The following DOCK1 variants were observed in gnomAD, a reference collection of about 807,000 sequenced individuals.
The protein encoded by DOCK1 is dedicator of cytokinesis 1.
A neutral mutation model predicts 262.7 loss-of-function variants in DOCK1; 138 were observed. The observed-to-expected ratio is 0.53, with a 90% CI of 0.46 to 0.61. The LOEUF is 0.61. Among genes scored for constraint, DOCK1 ranks in the 20% least tolerant of loss-of-function variants. The pLI, the probability that DOCK1 is intolerant of heterozygous loss-of-function variation, is 0.00. For synonymous variants in DOCK1, 866 were observed against 867.4 expected (o/e 1.00, Z 0.03); for missense variants, 1,908 against 2,370.7 (o/e 0.80, Z 4.05).
At chr10:127,149,518 G>A (rs921136664) in intron 27 of DOCK1, among the ~76,000 whole-genome samples, 19 of 152,188 alleles carry the variant, frequency 1.2e-4, no homozygotes, top group African/African-American at 4.1e-4. Context: ...TAAAGCCCCA[G>A]GCAGCCGGGT....
At chr10:126,924,943 AT>A (rs1222527286) in intron 1 of DOCK1, among the ~76,000 whole-genome samples, 4 of 152,262 alleles carry the variant, frequency 2.6e-5, no homozygotes, top group Admixed American at 1.3e-4. Context: ...CAAACTCAGT[AT>A]TTGACTTACC....
chr10:126,974,248 C>T (rs938729236), intron 2 of DOCK1, among the ~76,000 whole-genome samples: 4 of 152,142 alleles, frequency 2.6e-5, no homozygotes, highest in African/African-American at 9.7e-5. Flanking sequence ...GCTTCCATAG[C>T]GTCCCCAGGG....
chr10:127,132,055 A>G (rs2050358780), intron 27 of DOCK1, among the ~76,000 whole-genome samples: 1 of 152,238 alleles, frequency 6.6e-6, no homozygotes, highest in South Asian at 2.1e-4. Context: ...GGAATAAGGC[A>G]TTAACTGGGA....
chr10:127,242,304 G>C (rs1440483068), intron 27 of DOCK1, among the ~76,000 whole-genome samples: 2 of 152,180 alleles, frequency 1.3e-5, no homozygotes, highest in Non-Finnish European at 2.9e-5. Flanking sequence ...GCAGGAGTTT[G>C]GGGCTAATTT....
chr10:126,963,890 A>G (rs1252858189), intron 1 of DOCK1, among the ~76,000 whole-genome samples: 1 of 152,056 alleles, frequency 6.6e-6, no homozygotes, highest in Non-Finnish European at 1.5e-5. Flanking sequence ...TTGCCCCCAG[A>G]CAAAAGCAGT....
At chr10:127,384,953 C>T (rs1370025852) in intron 38 of DOCK1, 44 bp downstream of exon 38, 3 of 1,527,984 alleles carry the variant, frequency 2.0e-6, no homozygotes, top group East Asian at 4.7e-5. Context: ...TCTTTCCATG[C>T]ACCTACCTGC....
At chr10:127,055,743 C>T (rs1286512503) in intron 22 of DOCK1, among the ~76,000 whole-genome samples, 4 of 152,182 alleles carry the variant, frequency 2.6e-5, no homozygotes, top group African/African-American at 9.7e-5. Flanking sequence ...ACTTCTGTCA[C>T]CAGTATCTCT....
intron 29 of DOCK1, among the ~76,000 whole-genome samples, chr10:127,325,662 A>G (rs1392349231): frequency 6.6e-6 from 1 of 152,240 alleles, no homozygotes; most frequent in Non-Finnish European, 1.5e-5. Flanking sequence ...GAGGACGCTC[A>G]GGGTTTCTTG....
intron 27 of DOCK1, among the ~76,000 whole-genome samples, chr10:127,172,015 T>C (rs984121525): frequency 3.9e-5 from 6 of 152,238 alleles, no homozygotes; most frequent in African/African-American, 1.4e-4. Flanking sequence ...TCCACTGATA[T>C]TTTAACTTGG....
intron 27 of DOCK1, among the ~76,000 whole-genome samples, chr10:127,174,076 C>T (rs867107011): frequency 6.6e-6 from 1 of 152,222 alleles, no homozygotes; most frequent in Non-Finnish European, 1.5e-5. Flanking sequence ...AGTCAGCAAA[C>T]TGTCTAACTC....
chr10:127,211,037 C>T (rs187330437), intron 27 of DOCK1, among the ~76,000 whole-genome samples: 1 of 152,292 alleles, frequency 6.6e-6, no homozygotes, highest in East Asian at 1.9e-4. Context: ...ACCCTTTTCA[C>T]AGAGTTTTAA....
intron 11 of DOCK1, among the ~76,000 whole-genome samples, chr10:127,009,481 G>T (rs9418682): frequency 0.1 from 15,729 of 152,046 alleles, 956 homozygotes; most frequent in Middle Eastern, 0.14. Context: ...CCAGATGATG[G>T]TCGTTGGCCA....
chr10:127,373,436 C>T (rs1349438039), intron 33 of DOCK1, among the ~76,000 whole-genome samples: 3 of 152,070 alleles, frequency 2.0e-5, no homozygotes, highest in African/African-American at 7.2e-5. Context: ...TTAGATGTTA[C>T]GTGTTTGTAG....
At chr10:127,370,018 A>G (rs1272704664) in intron 33 of DOCK1, among the ~76,000 whole-genome samples, 1 of 151,966 alleles carries the variant, frequency 6.6e-6, no homozygotes, top group Non-Finnish European at 1.5e-5. Flanking sequence ...CTTCTTAACC[A>G]TGTTTTCCAC....
intron 27 of DOCK1, among the ~76,000 whole-genome samples, chr10:127,146,509 G>C (rs2051867562): frequency 1.3e-5 from 2 of 152,152 alleles, no homozygotes; most frequent in African/African-American, 2.4e-5. Context: ...AGATCTGTCA[G>C]AATCATTCTT....
chr10:127,181,232 G>A (rs1313421141), intron 27 of DOCK1, among the ~76,000 whole-genome samples: 2 of 152,214 alleles, frequency 1.3e-5, no homozygotes, highest in South Asian at 2.1e-4. Context: ...ATAGTTAAAT[G>A]TTTAGCAGAA....
At position 127,362,096 on chromosome 10, in the gene DOCK1, G is replaced by T. The variant is rs776618144; in HGVS notation, c.3316G>T (p.Val1106Leu). 6 of 1,612,908 alleles carry T rather than the reference G, an allele frequency of 3.7e-6. No homozygotes were observed. The East Asian group carries it at 6.7e-5, about 18-fold the overall frequency. The change falls in exon 33 of 52, where the codon GTG becomes TTG. Residue 1106 changes from valine (V) to leucine (L), a missense_variant. By Grantham distance (32) the Val-to-Leu change is conservative. Coordinates refer to ENST00000623213, the MANE Select transcript of DOCK1 (RefSeq NM_001290223.2). ...CAAGATAAAGTTCATTCCAGAAATG[G>T]TGGGCCCAATATTAGAAATGACATT... ...QHKIKFIPEM[V>L]GPILEMTLIP...
At chr10:127,008,933 C>A in intron 11 of DOCK1, 129 bp downstream of exon 11, 1 of 911,148 alleles carries the variant, frequency 1.1e-6, no homozygotes, top group Non-Finnish European at 1.6e-6. Context: ...TGAAAAACCT[C>A]TTTAGTCACT....
At chr10:127,415,592 TTTTA>T (rs1384096549) in intron 44 of DOCK1, among the ~76,000 whole-genome samples, 1 of 152,246 alleles carries the variant, frequency 6.6e-6, no homozygotes, top group East Asian at 1.9e-4. Flanking sequence ...ACATAAACTT[TTTTA>T]AAGATTTTTT....
Sources: gnomAD v4.1 joint callset for allele counts (sites outside exome capture counted in the v4.1 genomes callset) on GRCh38, gnomAD v4.1.1 for gene constraint, MANE v1.5 for transcripts, NCBI Gene and HGNC (gene_info 2026-07-23, HGNC 2026-07-21) for gene names.